The following PLA2G4C variants were observed in gnomAD, a reference collection of about 807,000 sequenced individuals.
PLA2G4C encodes the protein cytosolic phospholipase A2 gamma.
In PLA2G4C, 64 loss-of-function variants were observed where a neutral mutation model predicts 73.8. The observed-to-expected ratio is 0.87, with a 90% CI of 0.71 to 1.07. PLA2G4C has a LOEUF of 1.07. Among genes scored for constraint, PLA2G4C ranks in the 50% least tolerant of loss-of-function variants. The pLI is 0.00. For synonymous variants in PLA2G4C, 254 were observed against 252.1 expected (o/e 1.01, Z -0.07); for missense variants, 622 against 665.4 (o/e 0.93, Z 0.72).
chr19:48,067,282 C>T (rs1173454044), intron 13 of PLA2G4C, among the ~76,000 whole-genome samples: 1 of 151,950 alleles, frequency 6.6e-6, no homozygotes, highest in Non-Finnish European at 1.5e-5. Context: ...ATTCTCCTGC[C>T]TCAGCCTCCT....
chr19:48,078,050 T>A (rs1449968240), intron 10 of PLA2G4C, among the ~76,000 whole-genome samples: 2 of 152,114 alleles, frequency 1.3e-5, no homozygotes, highest in Non-Finnish European at 2.9e-5. Context: ...GTGGGTTTCA[T>A]ACTAGGAATG....
intron 14 of PLA2G4C, among the ~76,000 whole-genome samples, chr19:48,061,072 G>A (rs889686943): frequency 6.6e-6 from 1 of 152,082 alleles, no homozygotes; most frequent in African/African-American, 2.4e-5. Flanking sequence ...AGAATCGCTT[G>A]AGGCCAGGAG....
intron 12 of PLA2G4C, among the ~76,000 whole-genome samples, chr19:48,070,483 G>T (rs749886952): frequency 2.6e-5 from 4 of 152,158 alleles, no homozygotes; most frequent in African/African-American, 4.8e-5. Context: ...CAAAGACATG[G>T]AATCAACCAA....
intron 14 of PLA2G4C, among the ~76,000 whole-genome samples, chr19:48,059,025 C>A (rs543080085): frequency 2.0e-5 from 3 of 152,058 alleles, no homozygotes; most frequent in Non-Finnish European, 4.4e-5. Flanking sequence ...GTAATCCCTG[C>A]ACTTTGGGAG....
chr19:48,065,295 T>C (rs533372578), intron 13 of PLA2G4C, among the ~76,000 whole-genome samples: 38 of 148,450 alleles, frequency 2.6e-4, no homozygotes, highest in Non-Finnish European at 5.2e-4. Context: ...GGCTTCCAGG[T>C]TATAGGTAGA....
chr19:48,110,410 A>T, intron 1 of PLA2G4C, 77 bp downstream of exon 1: 3 of 891,710 alleles, frequency 3.4e-6, no homozygotes, highest in Non-Finnish European at 5.1e-6. Context: ...CCTGTTATTT[A>T]ATTGCACCCA....
intron 15 of PLA2G4C, 88 bp from the exon 16 acceptor site, chr19:48,053,235 G>C: frequency 9.8e-7 from 1 of 1,017,260 alleles, no homozygotes; most frequent in Non-Finnish European, 1.4e-6. Flanking sequence ...ATCAGGGCTT[G>C]GCAAACTACA....
At chr19:48,083,675 G>T (rs148714386) in intron 10 of PLA2G4C, among the ~76,000 whole-genome samples, 8 of 151,822 alleles carry the variant, frequency 5.3e-5, no homozygotes, top group Non-Finnish European at 1.0e-4. Context: ...TCAAACTCCT[G>T]ACCTCAGGTG....
intron 12 of PLA2G4C, among the ~76,000 whole-genome samples, chr19:48,070,886 C>T (rs924454382): frequency 2.6e-5 from 4 of 151,174 alleles, no homozygotes; most frequent in African/African-American, 9.7e-5. Context: ...CACATGTATC[C>T]TCAAACTTTA....
rs757545381 is a variant in PLA2G4C at position 48,104,717 on chromosome 19, A to G, written c.128T>C (p.Val43Ala). ...TCCGCCTGAGCCCAGCACAGCAACA[A>G]CTGGGGCCTAGGCATTGGGGAGAAA... ...KLRIEADEAP[V>A]VAVLGSGGGL... Residue 43 changes from valine to alanine, a missense_variant, in exon 4 of 17, where the codon GTT (valine) becomes GCT (alanine). Val to Ala is a moderately conservative substitution (Grantham distance 64). Coordinates refer to ENST00000599921, the MANE Select transcript of PLA2G4C (RefSeq NM_003706.3). 7 of 1,613,800 alleles carry G rather than the reference A, an allele frequency of 4.3e-6. No homozygotes were observed. The highest frequency in any genetic ancestry group is 1.6e-4 in the Middle Eastern group (1 of 6,082).
chr19:48,051,249 C>A (rs1420602258), intron 16 of PLA2G4C, among the ~76,000 whole-genome samples: 2 of 152,140 alleles, frequency 1.3e-5, no homozygotes, highest in Non-Finnish European at 2.9e-5. Context: ...AGGAGTTGGC[C>A]CTGCTAACGC....
intron 4 of PLA2G4C, among the ~76,000 whole-genome samples, chr19:48,101,126 A>ATATATATATATTTT (rs1491313107): frequency 8.1e-5 from 6 of 74,150 alleles, no homozygotes; most frequent in African/African-American, 3.9e-4. Flanking sequence ...ATATATATAT[A>ATATATATATATTTT]TTTTTTTTTT....
At chr19:48,092,106 A>G (rs1568445987) in intron 7 of PLA2G4C, among the ~76,000 whole-genome samples, 1 of 151,850 alleles carries the variant, frequency 6.6e-6, no homozygotes, top group East Asian at 1.9e-4. Context: ...CTGGAGCGCA[A>G]TGGCGCGATC....
intron 2 of PLA2G4C, 26 bp from the exon 3 acceptor site, chr19:48,105,470 TC>T (rs1284916518): frequency 6.4e-7 from 1 of 1,557,752 alleles, no homozygotes; most frequent in Non-Finnish European, 8.8e-7. Flanking sequence ...CACAAAGAAG[TC>T]CAGAAAATTC....
chr19:48,079,591 T>TA (rs1336673672), intron 10 of PLA2G4C, among the ~76,000 whole-genome samples: 1 of 152,140 alleles, frequency 6.6e-6, no homozygotes, highest in Non-Finnish European at 1.5e-5. Context: ...TTCTAGAAGA[T>TA]AACATCAAAA....
chr19:48,099,541 C>T, intron 5 of PLA2G4C, 130 bp downstream of exon 5: 1 of 625,722 alleles, frequency 1.6e-6, no homozygotes, highest in Non-Finnish European at 2.7e-6. Flanking sequence ...AACCGAAGTG[C>T]CCAGATTTTG....
At chr19:48,090,625 G>C in intron 7 of PLA2G4C, 1 of 573,892 alleles carries the variant, frequency 1.7e-6, no homozygotes, top group Non-Finnish European at 3.1e-6. Context: ...AAACAAGACA[G>C]ATAAAGTCCT....
chr19:48,059,545 C>T (rs1600158891), intron 14 of PLA2G4C, among the ~76,000 whole-genome samples: 2 of 152,232 alleles, frequency 1.3e-5, no homozygotes, highest in East Asian at 1.9e-4. Flanking sequence ...CTCCAATTGG[C>T]TGCCAGTGTG....
chr19:48,104,558 A>C, intron 4 of PLA2G4C, 30 bp downstream of exon 4: 1 of 1,610,158 alleles, frequency 6.2e-7, no homozygotes, highest in Non-Finnish European at 8.5e-7. Flanking sequence ...TATGTGTCAG[A>C]AAGCAATCTG....
Sources: allele counts gnomAD v4.1 joint callset (sites outside exome capture counted in the v4.1 genomes callset), GRCh38; gene constraint gnomAD v4.1.1; transcripts MANE v1.5; gene names NCBI Gene and HGNC (gene_info 2026-07-23, HGNC 2026-07-21).